Variants in ADAM2 observed in about 807,000 individuals in gnomAD.
ADAM2 encodes ADAM metallopeptidase domain 2.
Under a neutral mutation model 99.3 loss-of-function variants are expected in ADAM2, and 101 were observed. That is an observed-to-expected ratio of 1.02 (90% CI 0.87 to 1.20). The LOEUF (loss-of-function observed/expected upper bound fraction) is 1.20, where lower values mean the gene tolerates loss of function less well. ADAM2 is among the 50% of genes most tolerant of loss of function. The probability of loss-of-function intolerance (pLI) is 0.00; values close to 1 mark genes in which losing one functional copy is unlikely to be tolerated. For synonymous variants in ADAM2, 323 were observed against 287.6 expected, an observed-to-expected ratio of 1.12 and a Z score of -1.25; for missense variants, 948 against 878.7, an observed-to-expected ratio of 1.08 and a Z score of -1.00.
chr8:39,761,272 A>G lies in ADAM2; in HGVS notation c.1517T>C (p.Phe506Ser). ...CTDTFGKEVE[F>S]GPSECYSHLN... ...GTGAGAATAACATTCTGAAGGGCCA[A>G]ACTCTACTTCTGAAAATAAAAAGGT... Residue 506 changes from phenylalanine (F) to serine (S), a missense_variant, in exon 15 of 21, where the codon TTT (phenylalanine) becomes TCT (serine). Phe to Ser is a radical substitution (Grantham distance 155). Coordinates refer to ENST00000265708, the MANE Select transcript of ADAM2 (RefSeq NM_001464.5). The G allele has an allele frequency of 6.3e-7, 1 of 1,590,636 alleles. No individual in the cohort carries two copies. The highest frequency in any genetic ancestry group is 8.6e-7 in the Non-Finnish European group (1 of 1,167,358).
chr8:39,820,405 C>G (rs921097479), intron 6 of ADAM2, among the ~76,000 whole-genome samples: 2 of 152,072 alleles, frequency 1.3e-5, no homozygotes, highest in Non-Finnish European at 2.9e-5. Flanking sequence ...ATGGTACTGC[C>G]GTCAAAGAGA....
intron 19 of ADAM2, 45 bp downstream of exon 19, chr8:39,746,427 C>T (rs7013394): frequency 7.7e-7 from 1 of 1,302,426 alleles, no homozygotes; most frequent in South Asian, 1.5e-5. Flanking sequence ...TTACTATGTT[C>T]ATAAATTATA....
chr8:39,818,999 G>A (rs747667933), intron 6 of ADAM2, among the ~76,000 whole-genome samples: 1 of 152,076 alleles, frequency 6.6e-6, no homozygotes, highest in South Asian at 2.1e-4. Context: ...ACAATCCTGG[G>A]TGCCATTTTT....
chr8:39,810,143 T>C (rs1804633605), intron 6 of ADAM2, among the ~76,000 whole-genome samples: 1 of 151,894 alleles, frequency 6.6e-6, no homozygotes, highest in South Asian at 2.1e-4. Context: ...ACCTAGTCTC[T>C]GATAAAACAG....
At chr8:39,762,685 T>G (rs1234747866) in intron 14 of ADAM2, among the ~76,000 whole-genome samples, 1 of 152,180 alleles carries the variant, frequency 6.6e-6, no homozygotes, top group African/African-American at 2.4e-5. Context: ...CAGGCTTCCC[T>G]GAAAAAGAAA....
At chr8:39,822,689 G>T (rs1272488374) in intron 4 of ADAM2, among the ~76,000 whole-genome samples, 4 of 150,622 alleles carry the variant, frequency 2.7e-5, no homozygotes, top group African/African-American at 7.3e-5. Context: ...AGTATTATTT[G>T]TCTGTTTCTT....
chr8:39,765,220 T>C (rs968136448), intron 14 of ADAM2, among the ~76,000 whole-genome samples: 2 of 152,108 alleles, frequency 1.3e-5, no homozygotes, highest in African/African-American at 4.8e-5. Context: ...CTCATAGAGA[T>C]ACTTTTGGCA....
Position 39,748,696 on chromosome 8 carries a change from C to T in ADAM2, c.2014+616G>A, listed in dbSNP as rs1450820282. Among the ~76,000 whole-genome samples the T allele has an allele frequency of 2.0e-5, 3 of 152,134 alleles. No individual in the cohort carries two copies. The East Asian group carries it at 5.8e-4, about 29-fold the overall frequency. On this transcript the variant is annotated intron_variant, in intron 18 of 20. Transcript: ENST00000265708. ...AACCGCACTGCCCAAGTTCCTTGACCTGCTGTCTTCCAGTCAGTTTTGATC... is the reference window on the plus strand; with the variant it reads ...AACCGCACTGCCCAAGTTCCTTGACTTGCTGTCTTCCAGTCAGTTTTGATC...
chr8:39,799,569 T>C (rs1233590493), intron 7 of ADAM2, among the ~76,000 whole-genome samples: 1 of 152,140 alleles, frequency 6.6e-6, no homozygotes, highest in Admixed American at 6.5e-5. Flanking sequence ...CCAGAGCTAA[T>C]ATCAACTCCT....
At chr8:39,789,962 GA>G (rs1393553868) in intron 7 of ADAM2, among the ~76,000 whole-genome samples, 1 of 151,730 alleles carries the variant, frequency 6.6e-6, no homozygotes, top group African/African-American at 2.4e-5. Context: ...GTGTATTAGG[GA>G]AATGTAAATC....
intron 2 of ADAM2, among the ~76,000 whole-genome samples, chr8:39,836,865 A>G (rs904403644): frequency 6.6e-5 from 10 of 152,208 alleles, no homozygotes; most frequent in Non-Finnish European, 1.3e-4. Context: ...TCTCTAGAAC[A>G]ATCAAGCCAA....
At chr8:39,829,991 T>C (rs1805553026) in intron 3 of ADAM2, among the ~76,000 whole-genome samples, 1 of 152,060 alleles carries the variant, frequency 6.6e-6, no homozygotes, top group African/African-American at 2.4e-5. Context: ...TCCAGACAAG[T>C]AGTGAGACGG....
chr8:39,803,968 G>A (rs1489794708), intron 7 of ADAM2, among the ~76,000 whole-genome samples: 1 of 152,226 alleles, frequency 6.6e-6, no homozygotes, highest in Non-Finnish European at 1.5e-5. Context: ...AAGGAGCTGA[G>A]TGTGAATGTG....
At chr8:39,755,355 A>G (rs182823216) in intron 16 of ADAM2, among the ~76,000 whole-genome samples, 44 of 152,326 alleles carry the variant, frequency 2.9e-4, no homozygotes, top group Non-Finnish European at 5.6e-4. Context: ...AATTCTGAGA[A>G]AAAATACTAA....
intron 7 of ADAM2, among the ~76,000 whole-genome samples, chr8:39,808,400 C>A (rs1420709838): frequency 1.3e-5 from 2 of 151,886 alleles, no homozygotes; most frequent in African/African-American, 4.8e-5. Context: ...GAAAAACTAC[C>A]AAATATTGCT....
At chr8:39,754,741 G>A (rs966386678) in intron 16 of ADAM2, among the ~76,000 whole-genome samples, 1 of 151,940 alleles carries the variant, frequency 6.6e-6, no homozygotes, top group Non-Finnish European at 1.5e-5. Context: ...TACTTATTAA[G>A]CCAGAGAGGC....
At position 39,767,038 on chromosome 8, in the gene ADAM2, C is replaced by T. The variant is rs1209818575; in HGVS notation, c.1317G>A (p.Met439Ile). The change falls in exon 14 of 21, where the codon ATG (methionine) becomes ATA (isoleucine). Residue 439 changes from methionine (M) to isoleucine (I), a missense_variant. Coordinates refer to ENST00000265708, the MANE Select transcript of ADAM2 (RefSeq NM_001464.5). ...EGPCCENCLF[M>I]SKERMCRPSF... ...AAGGCCTACACATTCTTTCTTTTGA[C>T]ATAAACTGATGGGATGAGGTAAATG... The T allele has an allele frequency of 6.2e-7, 1 of 1,613,358 alleles. No homozygotes were observed.
chr8:39,815,360 T>G (rs1804898587), intron 6 of ADAM2, among the ~76,000 whole-genome samples: 1 of 152,212 alleles, frequency 6.6e-6, no homozygotes, highest in Non-Finnish European at 1.5e-5. Context: ...TTATAGGATC[T>G]TTCTGTTTAG....
intron 7 of ADAM2, among the ~76,000 whole-genome samples, chr8:39,794,026 G>A (rs1251839620): frequency 6.6e-6 from 1 of 152,168 alleles, no homozygotes; most frequent in African/African-American, 2.4e-5. Context: ...CCATCTGGGT[G>A]AATAATCTTG....
Sources: allele counts gnomAD v4.1 joint callset (sites outside exome capture counted in the v4.1 genomes callset), GRCh38; gene constraint gnomAD v4.1.1; transcripts MANE v1.5; gene names NCBI Gene and HGNC (gene_info 2026-07-23, HGNC 2026-07-21).